The following PDCD10 variants were observed in gnomAD, a reference collection of about 807,000 sequenced individuals.
The protein encoded by PDCD10 is programmed cell death 10.
In PDCD10, 4 loss-of-function variants were observed where a neutral mutation model predicts 29.2. The ratio of observed to expected loss-of-function variants is 0.14; its 90% CI spans 0.07 to 0.31. The LOEUF is 0.31. PDCD10 is among the 10% of genes least tolerant of loss of function. The pLI is 1.00. For missense variants in PDCD10, 183 were observed against 257.9 expected, an observed-to-expected ratio of 0.71 and a Z score of 1.99; for synonymous variants, 70 against 82.2, an observed-to-expected ratio of 0.85 and a Z score of 0.80.
intron 8 of PDCD10, among the ~76,000 whole-genome samples, chr3:167,684,722 G>T (rs1012018127): frequency 1.3e-5 from 2 of 152,054 alleles, no homozygotes; most frequent in Non-Finnish European, 2.9e-5. Context: ...TTTCATAGAA[G>T]TTAACAAGTA....
intron 4 of PDCD10, among the ~76,000 whole-genome samples, chr3:167,700,560 T>C (rs901407563): frequency 5.3e-5 from 8 of 152,210 alleles, no homozygotes; most frequent in Non-Finnish European, 7.3e-5. Context: ...CTTGCATGTT[T>C]TGTGAAATAC....
chr3:167,729,430 A>G (rs1189215480), intron 2 of PDCD10, among the ~76,000 whole-genome samples: 1 of 152,142 alleles, frequency 6.6e-6, no homozygotes, highest in Non-Finnish European at 1.5e-5. Flanking sequence ...TCAATCACTA[A>G]CATCATTTTT....
At chr3:167,709,648 G>A (rs1347776499) in intron 3 of PDCD10, among the ~76,000 whole-genome samples, 1 of 152,122 alleles carries the variant, frequency 6.6e-6, no homozygotes, top group Non-Finnish European at 1.5e-5. Flanking sequence ...AAACTTGAAA[G>A]GCAGTCTAGG....
chr3:167,690,976 TTTGATACAATC>T (rs1207797097), intron 6 of PDCD10, among the ~76,000 whole-genome samples: 1 of 152,240 alleles, frequency 6.6e-6, no homozygotes, highest in Non-Finnish European at 1.5e-5. Flanking sequence ...TTACTTGTAC[TTTGATACAATC>T]TATAGCATCA....
chr3:167,686,130 G>A (rs1259319401), intron 8 of PDCD10, among the ~76,000 whole-genome samples: 1 of 152,148 alleles, frequency 6.6e-6, no homozygotes, highest in African/African-American at 2.4e-5. Context: ...TTTAAGCACT[G>A]TTAAAAAATA....
At chr3:167,729,074 G>T (rs1724520077) in intron 2 of PDCD10, among the ~76,000 whole-genome samples, 1 of 152,094 alleles carries the variant, frequency 6.6e-6, no homozygotes, top group Non-Finnish European at 1.5e-5. Flanking sequence ...AAGAAACGTG[G>T]ATCTGCCACT....
chr3:167,712,163 T>A (rs1304867561), intron 3 of PDCD10, among the ~76,000 whole-genome samples: 2 of 152,056 alleles, frequency 1.3e-5, no homozygotes, highest in African/African-American at 4.8e-5. Flanking sequence ...GTAGAAAGAC[T>A]AATGATGAAT....
intron 5 of PDCD10, 50 bp from the exon 6 acceptor site, chr3:167,695,772 T>C: frequency 1.3e-6 from 2 of 1,574,870 alleles, no homozygotes; most frequent in Non-Finnish European, 1.7e-6. Flanking sequence ...CTCTGCCAAA[T>C]TCATCACATC....
In PDCD10 at chr3:167,683,842, T is replaced by TATATATATATATATATATATATACACAC. The variant is rs1559941340; in HGVS notation, c.*465_*466insGTGTGTATATATATATATATATATATAT. The TATATATATATATATATATATATACACAC allele has an allele frequency of 3.2e-4, 13 of 40,980 alleles. No homozygotes were observed. The highest frequency in any genetic ancestry group is 5.4e-4 in the Non-Finnish European group (12 of 22,272). 2.5% of individuals were successfully genotyped at this position (40,980 alleles called of 1,614,324 possible). ...CCAAGTTGTCTTGGTCTTCTGTTCA[T>TATATATATATATATATATATATACACAC]ATATATATATATATATATATATATA... On this transcript the variant is annotated 3_prime_UTR_variant, in exon 9 of 9. Coordinates refer to ENST00000392750, the MANE Select transcript of PDCD10 (RefSeq NM_007217.4).
At chr3:167,733,704 A>T (rs898356501) in intron 2 of PDCD10, among the ~76,000 whole-genome samples, 4 of 152,218 alleles carry the variant, frequency 2.6e-5, no homozygotes, top group African/African-American at 9.6e-5. Context: ...TTCCAATCCC[A>T]CTATTATCAG....
intron 4 of PDCD10, among the ~76,000 whole-genome samples, chr3:167,704,119 C>T (rs890924244): frequency 1.3e-5 from 2 of 152,122 alleles, no homozygotes; most frequent in South Asian, 4.1e-4. Context: ...TTTAATTCAC[C>T]ATATTTGAAG....
At chr3:167,728,097 C>T (rs1185889907) in intron 2 of PDCD10, among the ~76,000 whole-genome samples, 5 of 152,066 alleles carry the variant, frequency 3.3e-5, no homozygotes, top group Admixed American at 6.5e-5. Flanking sequence ...ACCTTCACTT[C>T]GCAAAAGTGT....
At chr3:167,706,445 C>T (rs1013550059) in intron 3 of PDCD10, among the ~76,000 whole-genome samples, 1 of 152,216 alleles carries the variant, frequency 6.6e-6, no homozygotes, top group Non-Finnish European at 1.5e-5. Flanking sequence ...GCCTACCACA[C>T]ACCTAGGCTG....
At chr3:167,692,988 C>T (rs1382213714) in intron 6 of PDCD10, among the ~76,000 whole-genome samples, 4 of 152,188 alleles carry the variant, frequency 2.6e-5, no homozygotes, top group Admixed American at 6.5e-5. Context: ...CAGATTTTGG[C>T]TATTCAATTA....
intron 8 of PDCD10, among the ~76,000 whole-genome samples, chr3:167,684,632 G>T (rs1719389823): frequency 6.6e-6 from 1 of 152,044 alleles, no homozygotes; most frequent in Admixed American, 6.6e-5. Context: ...TAATGATAGT[G>T]CCTCAACAAC....
chr3:167,685,995 C>T (rs1012556462), intron 8 of PDCD10, among the ~76,000 whole-genome samples: 2 of 152,098 alleles, frequency 1.3e-5, no homozygotes, highest in African/African-American at 4.8e-5. Context: ...ATAATTCTAT[C>T]TAATGTATTT....
In PDCD10 at chr3:167,683,806, T is replaced by C. The variant is rs923658118; in HGVS notation, c.*502A>G. The C allele has an allele frequency of 6.7e-6, 1 of 149,592 alleles. No individual in the cohort carries two copies. Among genetic ancestry groups the C allele is most frequent in the Non-Finnish European group, 1.5e-5 (1 of 67,426 alleles). 9.3% of individuals were successfully genotyped at this position (149,592 alleles called of 1,614,324 possible). Reference sequence around the variant, plus strand: ...TGATAAGCTCCCATTAGAAGTTTTTTAGACATTACACCAAGTTGTCTTGGT... The same window carrying C: ...TGATAAGCTCCCATTAGAAGTTTTTCAGACATTACACCAAGTTGTCTTGGT... On this transcript the variant is annotated 3_prime_UTR_variant, in exon 9 of 9. Coordinates refer to ENST00000392750, the MANE Select transcript of PDCD10 (RefSeq NM_007217.4).
At chr3:167,718,617 C>T (rs1267654322) in intron 3 of PDCD10, among the ~76,000 whole-genome samples, 1 of 151,898 alleles carries the variant, frequency 6.6e-6, no homozygotes, top group Admixed American at 6.6e-5. Flanking sequence ...AAGTGGAAGT[C>T]TTGTGTAGGC....
At chr3:167,689,441 A>G (rs1392520664) in intron 6 of PDCD10, among the ~76,000 whole-genome samples, 1 of 152,178 alleles carries the variant, frequency 6.6e-6, no homozygotes, top group Non-Finnish European at 1.5e-5. Flanking sequence ...GTGTATTTCA[A>G]TATTCTGCTA....
Sources: gnomAD v4.1 joint callset for allele counts (sites outside exome capture counted in the v4.1 genomes callset) on GRCh38, gnomAD v4.1.1 for gene constraint, MANE v1.5 for transcripts, NCBI Gene and HGNC (gene_info 2026-07-23, HGNC 2026-07-21) for gene names.